The following STK35 variants were observed in gnomAD, a reference collection of about 807,000 sequenced individuals.
STK35 encodes the protein serine/threonine kinase 35, also known as serine/threonine-protein kinase 35.
STK35 carries 17 observed loss-of-function variants against 37.3 expected under a neutral mutation model. The ratio of observed to expected loss-of-function variants is 0.46; its 90% confidence interval spans 0.31 to 0.68. STK35 has a LOEUF of 0.68. Among genes scored for constraint, STK35 ranks in the 30% least tolerant of loss-of-function variants. The probability of loss-of-function intolerance (pLI) is 0.05; values close to 1 mark genes in which losing one functional copy is unlikely to be tolerated. For synonymous variants in STK35, 385 were observed against 319.1 expected, an observed-to-expected ratio of 1.21 and a Z score of -2.20; for missense variants, 595 against 746.7, an observed-to-expected ratio of 0.80 and a Z score of 2.37.
In STK35 at chr20:2,144,128, G is replaced by T. The variant is rs1555787205; in HGVS notation, c.*382G>T. On this transcript the variant is annotated 3_prime_UTR_variant, in exon 4 of 4. Transcript: ENST00000381482. Reference sequence around the variant, plus strand: ...TATAAGGGGTTAGGGAGCTATTTTTGGTTTTGTCCTTCACTTTCCCTCTGT... The same window carrying T: ...TATAAGGGGTTAGGGAGCTATTTTTTGTTTTGTCCTTCACTTTCCCTCTGT... The T allele has an allele frequency of 3.3e-6, 1 of 305,978 alleles. No individual in the cohort carries two copies. The allele number at this position is 305,978 out of a possible 1,614,324, so 19.0% of individuals were successfully genotyped here. A position where few individuals can be genotyped will look rare whatever the true frequency, so the allele number is the denominator to read the frequency against.
At chr20:2,128,459 G>A (rs566124415) in intron 3 of STK35, among the ~76,000 whole-genome samples, 7 of 152,136 alleles carry the variant, frequency 4.6e-5, no homozygotes, top group East Asian at 1.9e-4. Context: ...CCTTTCCCCC[G>A]TTCCTTCTGT....
At chr20:2,141,181 A>G (rs1417954907) in intron 3 of STK35, among the ~76,000 whole-genome samples, 1 of 152,244 alleles carries the variant, frequency 6.6e-6, no homozygotes, top group Non-Finnish European at 1.5e-5. Context: ...GAGAGAAAGC[A>G]ATAGGCATGC....
At chr20:2,138,723 AATGATGTTTTAGGCCAGGC>A (rs1316346404) in intron 3 of STK35, among the ~76,000 whole-genome samples, 1 of 152,154 alleles carries the variant, frequency 6.6e-6, no homozygotes, top group Admixed American at 6.5e-5. Context: ...TCATCAAAGA[AATGATGTTTTAGGCCAGGC>A]ATGGTAGCTC....
chr20:2,115,509 CCTCATCAGTGAGATAAAACAT>C (rs1985699026), intron 2 of STK35, among the ~76,000 whole-genome samples: 1 of 152,068 alleles, frequency 6.6e-6, no homozygotes, highest in South Asian at 2.1e-4. Flanking sequence ...CCCAGCCTCT[CCTCATCAGTGAGATAAAACAT>C]CTGCCTTCTT....
chr20:2,102,850 T>A lies in STK35; in HGVS notation c.377T>A (p.Leu126Gln). ...GGGGGGGCCCGGGCAGCGCCGTTGC[T>A]GCTCCCCCCGCCGCCCGCAGCCATG... ...EAGGARAAPLLLPPPPAAMET... is the reference protein window; with the variant it reads ...EAGGARAAPLQLPPPPAAMET... The change falls in exon 2 of 4, where the codon CTG becomes CAG. Residue 126 changes from leucine to glutamine, a missense_variant. By Grantham distance (113) the Leu-to-Gln change is moderately radical. Transcript: ENST00000381482. 6.5e-7 allele frequency: 1 copy of A among 1,547,442 alleles called. No homozygotes were observed. The highest frequency in any genetic ancestry group is 8.7e-7 in the Non-Finnish European group (1 of 1,154,926).
chr20:2,116,630 TCTCA>T (rs747274328), intron 2 of STK35, 32 bp from the exon 3 acceptor site: 19 of 1,586,370 alleles, frequency 1.2e-5, no homozygotes, highest in Non-Finnish European at 1.5e-5. Context: ...ACTGTGTCCA[TCTCA>T]CTCAAGCTCC....
chr20:2,112,050 T>G (rs1014040752), intron 2 of STK35, among the ~76,000 whole-genome samples: 2 of 152,234 alleles, frequency 1.3e-5, no homozygotes, highest in African/African-American at 4.8e-5. Context: ...GGGATGCCCC[T>G]CAGCTCACCG....
chr20:2,124,401 C>G (rs1234795724), intron 3 of STK35, among the ~76,000 whole-genome samples: 1 of 152,130 alleles, frequency 6.6e-6, no homozygotes, highest in African/African-American at 2.4e-5. Context: ...AGAAGCTGAT[C>G]CCTACTTAGT....
chr20:2,102,998 G>A lies in STK35; in HGVS notation c.525G>A (p.Pro175=). Residue 175 remains proline, a synonymous_variant, in exon 2 of 4, where the codon CCG becomes CCA. Transcript: ENST00000381482. Reference sequence around the variant, plus strand: ...CGGCGGCGGCCCGGGCCATGGATCCGGTGGCGGCCGAGGCCCCGGGCGAGG... The same window carrying A: ...CGGCGGCGGCCCGGGCCATGGATCCAGTGGCGGCCGAGGCCCCGGGCGAGG... ...RPAAAARAMD[P]VAAEAPGEAF... 1 of 1,420,678 alleles carries A rather than the reference G, an allele frequency of 7.0e-7. No individual in the cohort carries two copies. The highest frequency in any genetic ancestry group is 9.1e-7 in the Non-Finnish European group (1 of 1,097,646). The allele number at this position is 1,420,678 out of a possible 1,614,324, so 88.0% of individuals were successfully genotyped here. A position where few individuals can be genotyped will look rare whatever the true frequency, so the allele number is the denominator to read the frequency against.
At chr20:2,122,650 C>T in intron 3 of STK35, among the ~76,000 whole-genome samples, 1 of 152,060 alleles carries the variant, frequency 6.6e-6, no homozygotes, top group East Asian at 1.9e-4. Context: ...GGAGTTGATC[C>T]TATATATCTT....
chr20:2,116,613 A>T, intron 2 of STK35, 53 bp from the exon 3 acceptor site: 1 of 1,542,962 alleles, frequency 6.5e-7, no homozygotes, highest in Non-Finnish European at 8.8e-7. Flanking sequence ...AGTTAAAAAG[A>T]AGTGTGACTG....
chr20:2,128,463 C>T (rs527244085), intron 3 of STK35, among the ~76,000 whole-genome samples: 5 of 152,198 alleles, frequency 3.3e-5, no homozygotes, highest in Non-Finnish European at 4.4e-5. Context: ...TCCCCCGTTC[C>T]TTCTGTCCTG....
At chr20:2,142,317 A>G (rs1343591117) in intron 3 of STK35, among the ~76,000 whole-genome samples, 2 of 152,040 alleles carry the variant, frequency 1.3e-5, no homozygotes, top group Non-Finnish European at 2.9e-5. Context: ...TAAATTATCC[A>G]ATATTGTCCT....
In STK35 at chr20:2,147,781, C is replaced by T. The variant is rs1986297317; in HGVS notation, c.*4035C>T. On this transcript the variant is annotated 3_prime_UTR_variant, in exon 4 of 4. Transcript: ENST00000381482. Reference sequence around the variant, plus strand: ...CCAGACAGACGTAGCTCCTGGGAGTCTCGGCCCTGGCAACCTTGGAAGAGC... The same window carrying T: ...CCAGACAGACGTAGCTCCTGGGAGTTTCGGCCCTGGCAACCTTGGAAGAGC... The T allele has an allele frequency of 6.6e-6, 1 of 152,290 alleles. No individual in the cohort carries two copies. Among genetic ancestry groups the T allele is most frequent in the Non-Finnish European group, 1.5e-5 (1 of 68,100 alleles). 9.4% of individuals were successfully genotyped at this position (152,290 alleles called of 1,614,324 possible).
At chr20:2,108,382 C>T (rs1312227279) in intron 2 of STK35, among the ~76,000 whole-genome samples, 6 of 151,990 alleles carry the variant, frequency 3.9e-5, no homozygotes, top group Non-Finnish European at 5.9e-5. Flanking sequence ...TGGTGGCGGG[C>T]GCCTGTAATC....
Position 2,113,821 on chromosome 20 carries a change from G to A in STK35, c.893-2845G>A, listed in dbSNP as rs145921245. Among the ~76,000 whole-genome samples the A allele has an allele frequency of 9.2e-5, 14 of 152,278 alleles. 1 individual carries two copies. In the East Asian group the frequency reaches 2.7e-3, roughly 29 times the overall value. On this transcript the variant is annotated intron_variant, in intron 2 of 3. Coordinates refer to ENST00000381482, the MANE Select transcript of STK35 (RefSeq NM_080836.4). ...TGACTTAAGTCACAGTACTCATGTG[G>A]TATAGTTTCATTCTCTCATTTGATA...
intron 3 of STK35, among the ~76,000 whole-genome samples, chr20:2,121,703 G>A (rs979270394): frequency 1.3e-5 from 2 of 152,156 alleles, no homozygotes; most frequent in African/African-American, 4.8e-5. Context: ...CAACATTGAG[G>A]ATGGGAAGAA....
At chr20:2,111,312 C>T (rs1194250889) in intron 2 of STK35, among the ~76,000 whole-genome samples, 6 of 152,170 alleles carry the variant, frequency 3.9e-5, no homozygotes, top group Admixed American at 3.3e-4. Context: ...AATGGTGTGC[C>T]CATAGCGTTG....
intron 1 of STK35, 42 bp from the exon 2 acceptor site, chr20:2,102,726 C>A: frequency 7.3e-7 from 1 of 1,361,540 alleles, no homozygotes; most frequent in Non-Finnish European, 9.5e-7. Flanking sequence ...TCCTGGCCTC[C>A]CCGCCTTGGC....
Sources: gnomAD v4.1 joint callset for allele counts (sites outside exome capture counted in the v4.1 genomes callset) on GRCh38, gnomAD v4.1.1 for gene constraint, MANE v1.5 for transcripts, NCBI Gene and HGNC (gene_info 2026-07-23, HGNC 2026-07-21) for gene names.